The following RIMS1 variants were observed in gnomAD, a reference collection of about 807,000 sequenced individuals.
The protein encoded by RIMS1 is regulating synaptic membrane exocytosis protein 1.
In RIMS1, 83 loss-of-function variants were observed where a neutral mutation model predicts 214.1. That is an observed-to-expected ratio of 0.39 (90% CI 0.32 to 0.47). The LOEUF (loss-of-function observed/expected upper bound fraction) is 0.47, where lower values mean the gene tolerates loss of function less well. Ranked by LOEUF, RIMS1 falls within the 20% of genes least tolerant of loss-of-function variation. The pLI, the probability that RIMS1 is intolerant of heterozygous loss-of-function variation, is 0.99. For synonymous variants in RIMS1, 793 were observed against 786.8 expected (o/e 1.01, Z -0.13); for missense variants, 2,050 against 2,161.8 (o/e 0.95, Z 1.03).
intron 1 of RIMS1, among the ~76,000 whole-genome samples, chr6:71,919,410 A>G (rs1779351369): frequency 6.6e-6 from 1 of 152,096 alleles, no homozygotes; most frequent in Admixed American, 6.6e-5. Flanking sequence ...CGGGAAGGAA[A>G]AAAAAACAAT....
chr6:71,925,350 A>G (rs919711925), intron 1 of RIMS1, among the ~76,000 whole-genome samples: 4 of 152,190 alleles, frequency 2.6e-5, no homozygotes, highest in Non-Finnish European at 5.9e-5. Context: ...AAAATGATGG[A>G]GTTGATGAGA....
chr6:72,262,834 T>C (rs1450995051), intron 19 of RIMS1: 6 of 712,024 alleles, frequency 8.4e-6, no homozygotes, highest in South Asian at 6.6e-5. Flanking sequence ...TTAGGACTTA[T>C]AAAAATAAAA....
At chr6:72,356,489 T>G (rs907838328) in intron 29 of RIMS1, among the ~76,000 whole-genome samples, 1 of 152,140 alleles carries the variant, frequency 6.6e-6, no homozygotes, top group African/African-American at 2.4e-5. Flanking sequence ...CCAGGCACGG[T>G]GGCTTACACC....
At chr6:72,063,303 G>A (rs943409976) in intron 2 of RIMS1, among the ~76,000 whole-genome samples, 2 of 152,142 alleles carry the variant, frequency 1.3e-5, no homozygotes, top group Non-Finnish European at 2.9e-5. Context: ...AAAGCCCTCA[G>A]GCACAGAAAT....
At chr6:72,221,729 A>C (rs966682601) in intron 6 of RIMS1, among the ~76,000 whole-genome samples, 3 of 152,006 alleles carry the variant, frequency 2.0e-5, no homozygotes, top group Non-Finnish European at 4.4e-5. Flanking sequence ...TATATAACAT[A>C]ATGCCTTGTT....
intron 29 of RIMS1, among the ~76,000 whole-genome samples, chr6:72,352,771 C>T (rs2097501154): frequency 6.6e-6 from 1 of 151,988 alleles, no homozygotes; most frequent in African/African-American, 2.4e-5. Context: ...ACACATCATT[C>T]CTATTAATGC....
At chr6:72,109,707 T>G (rs960194866) in intron 4 of RIMS1, among the ~76,000 whole-genome samples, 5 of 152,320 alleles carry the variant, frequency 3.3e-5, no homozygotes, top group Admixed American at 6.5e-5. Context: ...TTAGTTTAAT[T>G]AGATCCCATT....
chr6:72,105,491 A>C (rs1367966587), intron 4 of RIMS1, among the ~76,000 whole-genome samples: 4 of 152,134 alleles, frequency 2.6e-5, no homozygotes, highest in Admixed American at 2.0e-4. Context: ...AATTATTATA[A>C]TTAAGAGTAA....
chr6:72,343,477 T>TTTC (rs1303128500), intron 29 of RIMS1, among the ~76,000 whole-genome samples: 4 of 147,972 alleles, frequency 2.7e-5, no homozygotes, highest in South Asian at 2.1e-4. Flanking sequence ...CTTTCTTTTC[T>TTTC]TTCTTCTTCT....
intron 29 of RIMS1, among the ~76,000 whole-genome samples, chr6:72,338,363 G>T (rs1448845951): frequency 6.6e-6 from 1 of 151,646 alleles, no homozygotes; most frequent in Non-Finnish European, 1.5e-5. Flanking sequence ...ATTTTTTCAT[G>T]TGTCTTAAGA....
chr6:72,060,260 C>T (rs1023912256), intron 2 of RIMS1, among the ~76,000 whole-genome samples: 2 of 152,210 alleles, frequency 1.3e-5, no homozygotes, highest in South Asian at 2.1e-4. Flanking sequence ...TGAACCACTG[C>T]GCCCAGCCTG....
intron 2 of RIMS1, among the ~76,000 whole-genome samples, chr6:72,040,214 A>G (rs978962670): frequency 5.3e-5 from 8 of 152,046 alleles, no homozygotes; most frequent in African/African-American, 1.7e-4. Flanking sequence ...TATACTTTGT[A>G]TTCTTATGTC....
intron 2 of RIMS1, among the ~76,000 whole-genome samples, chr6:72,091,518 G>A (rs1414894392): frequency 6.6e-6 from 1 of 152,118 alleles, no homozygotes; most frequent in Non-Finnish European, 1.5e-5. Flanking sequence ...TTCATAGCAT[G>A]ATATTTAGAT....
At chr6:72,130,790 G>A (rs974384029) in intron 4 of RIMS1, among the ~76,000 whole-genome samples, 2 of 152,040 alleles carry the variant, frequency 1.3e-5, no homozygotes, top group Non-Finnish European at 2.9e-5. Context: ...GATATGCCTT[G>A]AGGAAAATAC....
At chr6:72,276,213 C>G (rs2086322718) in intron 23 of RIMS1, among the ~76,000 whole-genome samples, 1 of 152,006 alleles carries the variant, frequency 6.6e-6, no homozygotes, top group African/African-American at 2.4e-5. Context: ...AGAACCTGCC[C>G]CCTCCGATCC....
intron 2 of RIMS1, among the ~76,000 whole-genome samples, chr6:71,977,489 T>G (rs1359729878): frequency 1.3e-5 from 2 of 152,116 alleles, no homozygotes; most frequent in Non-Finnish European, 2.9e-5. Context: ...TTGTAAAGCT[T>G]GGAGTATGGG....
chr6:72,303,604 A>G (rs2094853145), intron 26 of RIMS1, among the ~76,000 whole-genome samples: 1 of 151,400 alleles, frequency 6.6e-6, no homozygotes, highest in South Asian at 2.1e-4. Context: ...GTTTTCATTT[A>G]ACTCTTAAAA....
intron 1 of RIMS1, among the ~76,000 whole-genome samples, chr6:71,961,094 G>A (rs953161283): frequency 6.6e-6 from 1 of 152,066 alleles, no homozygotes; most frequent in East Asian, 1.9e-4. Flanking sequence ...TTGAGGCAAA[G>A]TTTCTGCCTC....
At chr6:72,260,183 G>A (rs185145834) in intron 18 of RIMS1, among the ~76,000 whole-genome samples, 1 of 152,088 alleles carries the variant, frequency 6.6e-6, no homozygotes, top group African/African-American at 2.4e-5. Context: ...AAATTAATTT[G>A]GATATAGATA....
Sources: gnomAD v4.1 joint callset for allele counts (sites outside exome capture counted in the v4.1 genomes callset) on GRCh38, gnomAD v4.1.1 for gene constraint, MANE v1.5 for transcripts, NCBI Gene and HGNC (gene_info 2026-07-23, HGNC 2026-07-21) for gene names.